LHFPL3: variants seen among roughly 807,000 people sequenced by gnomAD.
LHFPL3 encodes the protein LHFPL tetraspan subfamily member 3.
In LHFPL3, 5 loss-of-function variants were observed where a neutral mutation model predicts 19.3. The observed-to-expected ratio is 0.26, with a 90% CI of 0.14 to 0.54. The LOEUF is 0.54. Ranked by LOEUF, LHFPL3 falls within the 20% of genes least tolerant of loss-of-function variation. The probability of loss-of-function intolerance (pLI) is 0.94; values close to 1 mark genes in which losing one functional copy is unlikely to be tolerated. For synonymous variants in LHFPL3, 133 were observed against 126.2 expected (o/e 1.05, Z -0.36); for missense variants, 249 against 307.4 (o/e 0.81, Z 1.42).
At chr7:104,354,409 A>G in intron 1 of LHFPL3, among the ~76,000 whole-genome samples, 1 of 152,176 alleles carries the variant, frequency 6.6e-6, no homozygotes, top group Non-Finnish European at 1.5e-5. Flanking sequence ...GCTGGACCAT[A>G]GGGCACACAT....
intron 1 of LHFPL3, among the ~76,000 whole-genome samples, chr7:104,455,107 T>C (rs1187711258): frequency 6.6e-6 from 1 of 152,232 alleles, no homozygotes; most frequent in Non-Finnish European, 1.5e-5. Flanking sequence ...AAATTAGGTA[T>C]GGATTGCAAC....
At chr7:104,376,697 G>A (rs1460721186) in intron 1 of LHFPL3, among the ~76,000 whole-genome samples, 1 of 152,110 alleles carries the variant, frequency 6.6e-6, no homozygotes, top group Non-Finnish European at 1.5e-5. Flanking sequence ...GTTGTGAAGT[G>A]TATTACACTT....
At chr7:104,716,264 T>C (rs1259108969) in intron 1 of LHFPL3, among the ~76,000 whole-genome samples, 1 of 151,974 alleles carries the variant, frequency 6.6e-6, no homozygotes, top group Non-Finnish European at 1.5e-5. Flanking sequence ...GGAGAATAGC[T>C]TGAACCCAAG....
At chr7:104,577,811 G>A (rs548571131) in intron 1 of LHFPL3, among the ~76,000 whole-genome samples, 1 of 152,122 alleles carries the variant, frequency 6.6e-6, no homozygotes, top group African/African-American at 2.4e-5. Context: ...TCTGAAAACC[G>A]TCCCAGTGCC....
intron 1 of LHFPL3, among the ~76,000 whole-genome samples, chr7:104,358,012 T>C (rs1249108935): frequency 6.6e-6 from 1 of 152,098 alleles, no homozygotes; most frequent in Non-Finnish European, 1.5e-5. Context: ...GGGAAGGTAA[T>C]ATAAACAATG....
At chr7:104,757,115 C>A (rs1794300206) in intron 2 of LHFPL3, among the ~76,000 whole-genome samples, 1 of 152,150 alleles carries the variant, frequency 6.6e-6, no homozygotes, top group Non-Finnish European at 1.5e-5. Flanking sequence ...AGAAATGACT[C>A]CCTATTTAAT....
intron 1 of LHFPL3, among the ~76,000 whole-genome samples, chr7:104,511,472 T>C (rs1793811344): frequency 6.6e-6 from 1 of 152,162 alleles, no homozygotes; most frequent in African/African-American, 2.4e-5. Flanking sequence ...TGGACATTTT[T>C]CCCAGAGAAA....
At chr7:104,406,849 T>G (rs1275882011) in intron 1 of LHFPL3, among the ~76,000 whole-genome samples, 1 of 152,232 alleles carries the variant, frequency 6.6e-6, no homozygotes, top group African/African-American at 2.4e-5. Context: ...AGGGGACTTA[T>G]AATTTAGGGG....
chr7:104,348,168 C>T (rs1562871191), intron 1 of LHFPL3, among the ~76,000 whole-genome samples: 1 of 152,088 alleles, frequency 6.6e-6, no homozygotes, highest in Non-Finnish European at 1.5e-5. Context: ...GTGTGGATCA[C>T]GAGGTCAAGA....
chr7:104,498,842 T>G (rs887279424), intron 1 of LHFPL3, among the ~76,000 whole-genome samples: 2 of 152,204 alleles, frequency 1.3e-5, no homozygotes, highest in African/African-American at 4.8e-5. Context: ...ATGCCAGCTC[T>G]CAGGACACAG....
chr7:104,681,156 T>TC (rs1380637677), intron 1 of LHFPL3, among the ~76,000 whole-genome samples: 156 of 54,822 alleles, frequency 2.8e-3, no homozygotes, highest in African/African-American at 0.01. Flanking sequence ...CTTTTCTTCT[T>TC]TTTTTTTTTT....
chr7:104,442,510 AC>A (rs1228272891), intron 1 of LHFPL3, among the ~76,000 whole-genome samples: 1 of 152,168 alleles, frequency 6.6e-6, no homozygotes, highest in Non-Finnish European at 1.5e-5. Flanking sequence ...AATATGTTTA[AC>A]TCAGTACATT....
In LHFPL3 at chr7:104,544,181, G is replaced by A. The variant is rs571901691; in HGVS notation, c.446-192494G>A. Among the ~76,000 whole-genome samples, 45 of 151,966 alleles carry A rather than the reference G, an allele frequency of 3.0e-4. 1 individual carries two copies. In the East Asian group the frequency reaches 7.2e-3, roughly 24 times the overall value. On this transcript the variant is annotated intron_variant, in intron 1 of 2. Coordinates refer to ENST00000424859, the MANE Select transcript of LHFPL3 (RefSeq NM_199000.3). ...GTATAATATATTCCAAATGCTTATC[G>A]TCATAAAACCTCACTAATAACTGGA...
At chr7:104,631,404 A>T (rs1054041115) in intron 1 of LHFPL3, among the ~76,000 whole-genome samples, 2 of 151,992 alleles carry the variant, frequency 1.3e-5, no homozygotes, top group African/African-American at 4.8e-5. Context: ...AAGGAGCATG[A>T]CCCGTGGCTG....
rs374265581 is a variant in LHFPL3 at position 104,790,616 on chromosome 7, A to T, written c.682+53705A>T. 7.9e-5 allele frequency among the ~76,000 whole-genome samples: 12 copies of T among 152,288 alleles called. No homozygotes were observed. The South Asian group carries it at 1.7e-3, about 21-fold the overall frequency. ...TGGTTCCTAAAGCAGACCATTAGTC[A>T]TCTTAATTGCTATCTGATTTATGTC... On this transcript the variant is annotated intron_variant, in intron 2 of 2. Coordinates refer to ENST00000424859, the MANE Select transcript of LHFPL3 (RefSeq NM_199000.3).
At chr7:104,549,548 G>A (rs1296503867) in intron 1 of LHFPL3, among the ~76,000 whole-genome samples, 1 of 151,610 alleles carries the variant, frequency 6.6e-6, no homozygotes, top group Non-Finnish European at 1.5e-5. Context: ...ATATGTGTTG[G>A]AGTGGTAGGG....
chr7:104,671,860 T>A (rs1232710268), intron 1 of LHFPL3, among the ~76,000 whole-genome samples: 1 of 152,198 alleles, frequency 6.6e-6, no homozygotes, highest in Non-Finnish European at 1.5e-5. Flanking sequence ...TATAATTTAG[T>A]TGGAAAATTG....
In LHFPL3 at chr7:104,460,589, C is replaced by G. The variant is rs995402957; in HGVS notation, c.445+131365C>G. ...TCATTGTGGTTTGATTTGCATTTCT[C>G]TAATAATCAGTGATATTGAGGTTTT... is the stretch of plus-strand genomic sequence containing the variant. On this transcript the variant is annotated intron_variant, in intron 1 of 2. Transcript: ENST00000424859. Among the ~76,000 whole-genome samples, 16 of 152,220 alleles carry G rather than the reference C, an allele frequency of 1.1e-4. No homozygotes were observed. In the South Asian group the frequency reaches 2.9e-3, roughly 28 times the overall value.
At chr7:104,560,341 A>C (rs1789963510) in intron 1 of LHFPL3, among the ~76,000 whole-genome samples, 2 of 142,796 alleles carry the variant, frequency 1.4e-5, no homozygotes, top group Non-Finnish European at 1.5e-5. Context: ...GCTATTGATT[A>C]TTGCCACAAT....
Sources: gnomAD v4.1 joint callset for allele counts (sites outside exome capture counted in the v4.1 genomes callset) on GRCh38, gnomAD v4.1.1 for gene constraint, MANE v1.5 for transcripts, NCBI Gene and HGNC (gene_info 2026-07-23, HGNC 2026-07-21) for gene names.